Variants in CRB1 observed in about 807,000 individuals in gnomAD.
The protein encoded by CRB1 is protein crumbs homolog 1.
Under a neutral mutation model 120.0 loss-of-function variants are expected in CRB1, and 83 were observed. The observed-to-expected ratio is 0.69, with a 90% CI of 0.58 to 0.83. CRB1 has a LOEUF of 0.83. Among genes scored for constraint, CRB1 ranks in the 40% least tolerant of loss-of-function variants. The probability of loss-of-function intolerance (pLI) is 0.00; values close to 1 mark genes in which losing one functional copy is unlikely to be tolerated. For synonymous variants in CRB1, 625 were observed against 612.5 expected (o/e 1.02, Z -0.30); for missense variants, 1,699 against 1,687.6 (o/e 1.01, Z -0.12).
intron 11 of CRB1, among the ~76,000 whole-genome samples, chr1:197,447,658 T>A (rs1171639818): frequency 1.3e-5 from 2 of 151,802 alleles, no homozygotes; most frequent in South Asian, 2.1e-4. Context: ...CTAGGAAGCA[T>A]GGTAAAATCC....
chr1:197,361,141 T>G (rs1331816003), intron 5 of CRB1, among the ~76,000 whole-genome samples: 1 of 152,142 alleles, frequency 6.6e-6, no homozygotes. Flanking sequence ...GCTAATATTT[T>G]ATGACTTTTT....
At position 197,435,386 on chromosome 1, in the gene CRB1, G is replaced by T; in HGVS notation, c.3523G>T (p.Glu1175Ter). 1.9e-6 allele frequency: 3 copies of T among 1,609,574 alleles called. No individual in the cohort carries two copies. Among genetic ancestry groups the T allele is most frequent in the Non-Finnish European group, 2.5e-6 (3 of 1,177,384 alleles). ...CTTGGGATGGTCAGGGAAACACTGT[G>T]AACTCAACATCGATGAATGCTTTTC... ...CPLGWSGKHCELNIDECFSNP... is the reference protein window; with the variant it reads ...CPLGWSGKHC The change falls in exon 9 of 12, where the codon GAA becomes TAA. Residue 1175 changes from glutamate (E) to a stop codon, truncating the protein, a stop_gained. Coordinates refer to ENST00000367400, the MANE Select transcript of CRB1 (RefSeq NM_201253.3). LOFTEE classifies it high-confidence loss of function.
intron 4 of CRB1, among the ~76,000 whole-genome samples, chr1:197,355,384 G>A (rs890682303): frequency 6.6e-6 from 1 of 152,220 alleles, no homozygotes; most frequent in South Asian, 2.1e-4. Context: ...CCAGTCCCGC[G>A]CAGTGCGCTG....
At position 197,326,725 on chromosome 1, in the gene CRB1, T is replaced by C. The variant is rs576795826; in HGVS notation, c.71-1697T>C. 4.2e-4 allele frequency among the ~76,000 whole-genome samples: 64 copies of C among 152,158 alleles called. No homozygotes were observed. The South Asian group carries it at 0.013, about 31-fold the overall frequency. On this transcript the variant is annotated intron_variant, in intron 1 of 11. Transcript: ENST00000367400. ...ACAAGGGAGCTGGGGAACAGAACCT[T>C]TTTAATTCAATTTCATAATTATTTT... is the stretch of plus-strand genomic sequence containing the variant.
chr1:197,295,481 C>A (rs539600766), intron 1 of CRB1, among the ~76,000 whole-genome samples: 3 of 151,960 alleles, frequency 2.0e-5, no homozygotes, highest in Non-Finnish European at 4.4e-5. Context: ...GATATAGATT[C>A]CGCAAGTAAA....
chr1:197,218,787 A>G, the CRB1 span, among the ~76,000 whole-genome samples: 1 of 152,198 alleles, frequency 6.6e-6, no homozygotes, highest in African/African-American at 2.4e-5. Context: ...GTACTGGAGA[A>G]CAAAGAGAGG....
intron 5 of CRB1, among the ~76,000 whole-genome samples, chr1:197,376,620 C>T (rs1661661055): frequency 6.6e-6 from 1 of 152,142 alleles, no homozygotes; most frequent in African/African-American, 2.4e-5. Context: ...CACGATCATA[C>T]TTCCCACCTC....
At chr1:197,364,802 T>C (rs764745504) in intron 5 of CRB1, among the ~76,000 whole-genome samples, 15 of 152,208 alleles carry the variant, frequency 9.9e-5, no homozygotes, top group Non-Finnish European at 1.5e-4. Flanking sequence ...GAATTTGTAA[T>C]TGCTTTTTAA....
chr1:197,205,154 C>G, the CRB1 span, among the ~76,000 whole-genome samples: 3 of 152,106 alleles, frequency 2.0e-5, no homozygotes, highest in Non-Finnish European at 4.4e-5. Context: ...ATTCTAGGAG[C>G]TTTTTGGAGT....
chr1:197,370,461 G>T (rs1661313496), intron 5 of CRB1, among the ~76,000 whole-genome samples: 1 of 151,928 alleles, frequency 6.6e-6, no homozygotes, highest in Non-Finnish European at 1.5e-5. Flanking sequence ...TTAAAAAGTA[G>T]AAATTGTATC....
intron 1 of CRB1, among the ~76,000 whole-genome samples, chr1:197,322,888 A>C (rs1286547647): frequency 6.6e-6 from 1 of 152,056 alleles, no homozygotes; most frequent in Non-Finnish European, 1.5e-5. Context: ...AATATTTTAC[A>C]GTCTGGGCAT....
At chr1:197,459,734 T>G (rs1488086808) in intron 11 of CRB1, among the ~76,000 whole-genome samples, 2 of 152,142 alleles carry the variant, frequency 1.3e-5, no homozygotes, top group Admixed American at 6.6e-5. Context: ...GATGGATTTA[T>G]CAATAAAAAC....
chr1:197,265,787 C>G (rs751895092), upstream of CRB1, among the ~76,000 whole-genome samples: 1 of 152,152 alleles, frequency 6.6e-6, no homozygotes, highest in Non-Finnish European at 1.5e-5. Flanking sequence ...CCCACTGTCT[C>G]TGCTTTAGTT....
chr1:197,393,641 A>G (rs1662622660), intron 5 of CRB1, among the ~76,000 whole-genome samples: 2 of 152,076 alleles, frequency 1.3e-5, no homozygotes, highest in African/African-American at 2.4e-5. Flanking sequence ...ACTCTCTACC[A>G]AAAAAAGTAT....
At chr1:197,352,328 T>C (rs1270992731) in intron 4 of CRB1, among the ~76,000 whole-genome samples, 1 of 152,178 alleles carries the variant, frequency 6.6e-6, no homozygotes, top group Admixed American at 6.5e-5. Context: ...TAAATCAGAA[T>C]CTTCCTAATG....
Position 197,427,726 on chromosome 1 carries a change from A to T in CRB1, c.2401A>T (p.Lys801Ter), listed in dbSNP as rs137853137. The T allele has an allele frequency of 2.3e-4, 378 of 1,613,892 alleles. No individual in the cohort carries two copies. Among genetic ancestry groups the T allele is most frequent in the Non-Finnish European group, 3.1e-4 (369 of 1,179,978 alleles). The stretch of plus-strand genomic sequence containing the variant: ...TGTCCACTTGATATCTTTGAAAATC[A>T]AGCCATATAAAATTGAACTGTATCA... ...GNVHLISLKIKPYKIELYQSS... is the reference protein window; with the variant it reads ...GNVHLISLKI The change falls in exon 7 of 12, where the codon AAG becomes TAG. Residue 801 changes from lysine to a stop codon, truncating the protein, a stop_gained. Transcript: ENST00000367400. LOFTEE classifies it high-confidence loss of function.
the CRB1 span, among the ~76,000 whole-genome samples, chr1:197,246,420 TC>T: frequency 6.6e-6 from 1 of 152,002 alleles, no homozygotes; most frequent in African/African-American, 2.4e-5. Context: ...CTTCTTCAGC[TC>T]CAAGTCTGAG....
At chr1:197,212,995 C>T in the CRB1 span, among the ~76,000 whole-genome samples, 1 of 152,024 alleles carries the variant, frequency 6.6e-6, no homozygotes, top group African/African-American at 2.4e-5. Context: ...AGATAAATTC[C>T]AAATGGATCA....
chr1:197,255,959 A>G, the CRB1 span, among the ~76,000 whole-genome samples: 2 of 111,738 alleles, frequency 1.8e-5, no homozygotes, highest in Non-Finnish European at 3.5e-5. Context: ...AATAATATAG[A>G]ACATTTTATA....
Sources: gnomAD v4.1 joint callset for allele counts (sites outside exome capture counted in the v4.1 genomes callset) on GRCh38, gnomAD v4.1.1 for gene constraint, MANE v1.5 for transcripts, NCBI Gene and HGNC (gene_info 2026-07-23, HGNC 2026-07-21) for gene names.